M1AP: variants seen among roughly 807,000 people sequenced by gnomAD.
M1AP encodes the protein meiosis 1 arrest protein.
M1AP carries 39 observed loss-of-function variants against 51.2 expected under a neutral mutation model. The observed-to-expected ratio is 0.76, with a 90% CI of 0.59 to 1.00. The LOEUF is 1.00. Among genes scored for constraint, M1AP ranks in the 50% least tolerant of loss-of-function variants. The pLI, the probability that M1AP is intolerant of heterozygous loss-of-function variation, is 0.00. For synonymous variants in M1AP, 251 were observed against 249.2 expected, an observed-to-expected ratio of 1.01 and a Z score of -0.07; for missense variants, 545 against 641.2, an observed-to-expected ratio of 0.85 and a Z score of 1.62.
At chr2:74,592,112 A>C (rs1364435545) in intron 4 of M1AP, among the ~76,000 whole-genome samples, 2 of 151,994 alleles carry the variant, frequency 1.3e-5, no homozygotes, top group African/African-American at 4.8e-5. Context: ...CCTAAGACAT[A>C]TTCTTAAAAA....
At chr2:74,607,538 A>G (rs975507767) in intron 3 of M1AP, among the ~76,000 whole-genome samples, 1 of 152,140 alleles carries the variant, frequency 6.6e-6, no homozygotes, top group Non-Finnish European at 1.5e-5. Context: ...CAATGGTGCA[A>G]TCTTGGCTCA....
At position 74,622,969 on chromosome 2, in the gene M1AP, A is replaced by C. The variant is rs1338729424; in HGVS notation, c.241-7820T>G. ...AAAAAATAGAGTGGAAAAAAAAAAA[A>C]CAAACCCAAAATCAGATAGTAAATG... is the stretch of plus-strand genomic sequence containing the variant. On this transcript the variant is annotated intron_variant, in intron 2 of 10. Transcript: ENST00000421985. 9.2e-5 allele frequency among the ~76,000 whole-genome samples: 14 copies of C among 151,694 alleles called. 1 individual carries two copies. The highest frequency in any genetic ancestry group is 6.2e-4 in the South Asian group (3 of 4,818).
At chr2:74,579,754 G>A (rs1326037846) in intron 5 of M1AP, among the ~76,000 whole-genome samples, 2 of 151,990 alleles carry the variant, frequency 1.3e-5, no homozygotes, top group East Asian at 3.9e-4. Flanking sequence ...AAAGAGCTGT[G>A]TAATGTTTAA....
At chr2:74,622,448 G>A (rs934726572) in intron 2 of M1AP, among the ~76,000 whole-genome samples, 2 of 152,004 alleles carry the variant, frequency 1.3e-5, no homozygotes, top group Non-Finnish European at 2.9e-5. Flanking sequence ...ATGTTGGGCA[G>A]GCTGGTCTCA....
intron 4 of M1AP, among the ~76,000 whole-genome samples, chr2:74,584,673 T>C (rs1422651756): frequency 6.6e-6 from 1 of 150,834 alleles, no homozygotes; most frequent in Non-Finnish European, 1.5e-5. Flanking sequence ...GTAAGGAAAA[T>C]AAAGGTTTCC....
chr2:74,591,986 T>G (rs1680071111), intron 4 of M1AP, among the ~76,000 whole-genome samples: 1 of 151,934 alleles, frequency 6.6e-6, no homozygotes, highest in South Asian at 2.1e-4. Context: ...TTTTTTTCAG[T>G]AGAGAAGGGG....
rs1305910336 is a variant in M1AP, at chr2:74,558,422, C to G, written c.*294G>C. 1 of 353,736 alleles carries G rather than the reference C, an allele frequency of 2.8e-6. No homozygotes were observed. The highest frequency in any genetic ancestry group is 2.2e-5 in the African/African-American group (1 of 45,622). The allele number at this position is 353,736 out of a possible 1,614,324, so 21.9% of individuals were successfully genotyped here. A position where few individuals can be genotyped will look rare whatever the true frequency, so the allele number is the denominator to read the frequency against. ...GAAGAAATTCTGAGTTATGAATGCT[C>G]CTAACAATGGTAGAAGCTTACTGGG... On this transcript the variant is annotated 3_prime_UTR_variant, in exon 11 of 11. Coordinates refer to ENST00000421985, the MANE Select transcript of M1AP (RefSeq NM_001321739.2).
chr2:74,569,909 CGTGTGTGT>C (rs145070644), intron 7 of M1AP, among the ~76,000 whole-genome samples: 3 of 143,258 alleles, frequency 2.1e-5, no homozygotes, highest in Non-Finnish European at 4.7e-5. Flanking sequence ...TGTGTGCATG[CGTGTGTGT>C]GTGTGTGTGT....
chr2:74,597,025 C>T lies in M1AP; in HGVS notation c.595+10030G>A, dbSNP rs972317858. Reference sequence around the variant, plus strand: ...TGAGGGAAATGTTCTGTATATTGATCGTGATGATGATTTGTGGGCATATAC... The same window carrying T: ...TGAGGGAAATGTTCTGTATATTGATTGTGATGATGATTTGTGGGCATATAC... On this transcript the variant is annotated intron_variant, in intron 4 of 10. Transcript: ENST00000421985. 2.6e-5 allele frequency among the ~76,000 whole-genome samples: 4 copies of T among 151,978 alleles called. No individual in the cohort carries two copies. The East Asian group carries it at 7.7e-4, about 29-fold the overall frequency.
chr2:74,631,242 C>T (rs1045721790), intron 2 of M1AP, among the ~76,000 whole-genome samples: 1 of 152,040 alleles, frequency 6.6e-6, no homozygotes, highest in African/African-American at 2.4e-5. Context: ...AATCACTTTA[C>T]TGTATATTTT....
chr2:74,608,534 G>A (rs1029039352), intron 3 of M1AP, among the ~76,000 whole-genome samples: 3 of 152,290 alleles, frequency 2.0e-5, no homozygotes, highest in Non-Finnish European at 2.9e-5. Flanking sequence ...TACGAATAAA[G>A]CTGCCATAAA....
intron 2 of M1AP, among the ~76,000 whole-genome samples, chr2:74,633,522 T>A (rs184144301): frequency 2.0e-5 from 3 of 152,258 alleles, no homozygotes; most frequent in African/African-American, 7.2e-5. Flanking sequence ...TTAGTAATTA[T>A]CTATCCACTG....
Position 74,560,308 on chromosome 2 carries a change from AG to A in M1AP, c.1282-18del, listed in dbSNP as rs1677832005. The A allele has an allele frequency of 6.4e-7, 1 of 1,574,114 alleles. No individual in the cohort carries two copies. Among genetic ancestry groups the A allele is most frequent in the Non-Finnish European group, 8.6e-7 (1 of 1,161,716 alleles). On this transcript the variant is annotated intron_variant, in intron 8 of 10. Transcript: ENST00000421985. ...CAGCATGCTCTGAGGAAAAGAGAGG[AG>A]GGGCCTCACTAGGGAACTTAAGATC...
chr2:74,590,393 C>T (rs1016292025), intron 4 of M1AP, among the ~76,000 whole-genome samples: 1 of 149,462 alleles, frequency 6.7e-6, no homozygotes, highest in African/African-American at 2.5e-5. Flanking sequence ...GGCCCCACCT[C>T]CTAATACTAT....
intron 2 of M1AP, among the ~76,000 whole-genome samples, chr2:74,627,799 C>T (rs1465050506): frequency 6.6e-6 from 1 of 152,142 alleles, no homozygotes; most frequent in African/African-American, 2.4e-5. Context: ...TTGCATTTGT[C>T]TAAGAAATTT....
chr2:74,590,394 C>A (rs1007274537), intron 4 of M1AP, among the ~76,000 whole-genome samples: 3 of 139,972 alleles, frequency 2.1e-5, no homozygotes, highest in African/African-American at 7.8e-5. Context: ...GCCCCACCTC[C>A]TAATACTATC....
In M1AP at chr2:74,562,231, G is replaced by C; in HGVS notation, c.1267C>G (p.Leu423Val). 6.2e-7 allele frequency: 1 copy of C among 1,612,568 alleles called. No homozygotes were observed. Among genetic ancestry groups the C allele is most frequent in the Non-Finnish European group, 8.5e-7 (1 of 1,179,016 alleles). The change falls in exon 8 of 11, where the codon CTT (leucine) becomes GTT (valine). Residue 423 changes from leucine to valine, a missense_variant. By Grantham distance (32) the Leu-to-Val change is conservative. Transcript: ENST00000421985. ...GCTCCACTTGCCTCCACATTCTTAA[G>C]GCTATCATCATGTGGGTCCTCAGGT... ...LLPEDPHDDSLKNVESMLDSL... is the reference protein window; with the variant it reads ...LLPEDPHDDSVKNVESMLDSL...
intron 5 of M1AP, among the ~76,000 whole-genome samples, chr2:74,578,252 G>A (rs1270331996): frequency 6.6e-6 from 1 of 152,220 alleles, no homozygotes; most frequent in Non-Finnish European, 1.5e-5. Context: ...TGGGGGTGAA[G>A]CCCAGACACT....
chr2:74,580,901 A>G (rs1679364603), intron 5 of M1AP, among the ~76,000 whole-genome samples: 1 of 152,178 alleles, frequency 6.6e-6, no homozygotes, highest in Non-Finnish European at 1.5e-5. Flanking sequence ...TTGAGGACCC[A>G]GCTTTCCCAA....
Sources: gnomAD v4.1 joint callset for allele counts (sites outside exome capture counted in the v4.1 genomes callset) on GRCh38, gnomAD v4.1.1 for gene constraint, MANE v1.5 for transcripts, NCBI Gene and HGNC (gene_info 2026-07-23, HGNC 2026-07-21) for gene names.